PREX1: variants seen among roughly 807,000 people sequenced by gnomAD.
PREX1 encodes the protein phosphatidylinositol-3,4,5-trisphosphate dependent Rac exchange factor 1.
A neutral mutation model predicts 198.3 loss-of-function variants in PREX1; 41 were observed. The observed-to-expected ratio is 0.21, with a 90% CI of 0.16 to 0.27. The LOEUF (loss-of-function observed/expected upper bound fraction) is 0.27. PREX1 is among the 10% of genes least tolerant of loss of function. The probability of loss-of-function intolerance (pLI) is 1.00; values close to 1 mark genes in which losing one functional copy is unlikely to be tolerated. For missense variants in PREX1, 1,620 were observed against 2,200.7 expected (o/e 0.74, Z 5.28); for synonymous variants, 843 against 887.2 (o/e 0.95, Z 0.89).
At chr20:48,836,642 C>G in the PREX1 span, among the ~76,000 whole-genome samples, 1 of 152,132 alleles carries the variant, frequency 6.6e-6, no homozygotes, top group Non-Finnish European at 1.5e-5. Flanking sequence ...TGGCTGGGTG[C>G]GGTGGCTCAC....
At chr20:48,811,138 T>A (rs1031223038) in intron 1 of PREX1, among the ~76,000 whole-genome samples, 1 of 152,180 alleles carries the variant, frequency 6.6e-6, no homozygotes, top group Non-Finnish European at 1.5e-5. Context: ...GGTTTTTGTA[T>A]GAAATGTCTT....
In PREX1 at chr20:48,657,085, C is replaced by A. The variant is rs1453102835; in HGVS notation, c.2078G>T (p.Cys693Phe). The change falls in exon 18 of 40, where the codon TGC becomes TTC. Residue 693 changes from cysteine (C) to phenylalanine (F), a missense_variant. Around this residue, in one of 7 missense-constraint regions of PREX1, gnomAD observed 514 missense variants for 611.6 expected, o/e 0.84. Transcript: ENST00000371941. ...EVESILNQSF[C>F]SRRPLRLLVA... ...CAGGAGGCGCAGAGGGCGGCGGGAG[C>A]AGAAGGACTGGTTGAGGATGGACTC... 2 of 1,608,994 alleles carry A rather than the reference C, an allele frequency of 1.2e-6. No individual in the cohort carries two copies. The highest frequency in any genetic ancestry group is 2.2e-5 in the South Asian group (2 of 90,108).
intron 10 of PREX1, among the ~76,000 whole-genome samples, chr20:48,685,291 C>G (rs912373625): frequency 5.9e-5 from 9 of 152,230 alleles, no homozygotes; most frequent in African/African-American, 2.2e-4. Context: ...TCCCAGGACA[C>G]CCTCCACATT....
Position 48,636,475 on chromosome 20 carries a change from C to A in PREX1, c.4155G>T (p.Ser1385=). The A allele has an allele frequency of 6.2e-7, 1 of 1,604,376 alleles. No individual in the cohort carries two copies. The highest frequency in any genetic ancestry group is 1.1e-5 in the South Asian group (1 of 90,788). The change falls in exon 32 of 40, where the codon TCG becomes TCT. Residue 1385 remains serine (S), a synonymous_variant. Transcript: ENST00000371941. ...CCCACTCACTCACCACTGTGGCTGG[C>A]GAGAGCAGGGACTGGCAGTGCAGCA... is the stretch of plus-strand genomic sequence containing the variant. ...GVLLHCQSLL[S]PATVKEERTM...
chr20:48,704,965 C>G (rs1299950433), intron 6 of PREX1, among the ~76,000 whole-genome samples: 2 of 152,206 alleles, frequency 1.3e-5, no homozygotes, highest in Admixed American at 6.5e-5. Context: ...GCAGCCCACG[C>G]TGGGCACAAG....
At chr20:48,854,686 C>T in the PREX1 span, among the ~76,000 whole-genome samples, 2 of 152,206 alleles carry the variant, frequency 1.3e-5, no homozygotes, top group African/African-American at 2.4e-5. Context: ...ATCACCATTA[C>T]GATCATCCTC....
chr20:48,712,570 T>A (rs537983971), intron 5 of PREX1, among the ~76,000 whole-genome samples: 1 of 152,186 alleles, frequency 6.6e-6, no homozygotes, highest in Admixed American at 6.5e-5. Flanking sequence ...TTAGTAAAAG[T>A]GAAAAAAAGG....
At chr20:48,675,451 A>C (rs2089701845) in intron 14 of PREX1, among the ~76,000 whole-genome samples, 1 of 152,272 alleles carries the variant, frequency 6.6e-6, no homozygotes, top group Non-Finnish European at 1.5e-5. Context: ...AAAAGGAAGG[A>C]GATTCCAACA....
chr20:48,747,750 G>A lies in PREX1; in HGVS notation c.291+59C>T. ...ACACCCTCTGAGCATCGCACGGGAA[G>A]AGCAAGGCACAAAGCAACACAGATG... On this transcript the variant is annotated intron_variant, in intron 2 of 39. Coordinates refer to ENST00000371941, the MANE Select transcript of PREX1 (RefSeq NM_020820.4). 3.3e-6 allele frequency: 5 copies of A among 1,530,330 alleles called. No individual in the cohort carries two copies. In the South Asian group the frequency reaches 4.6e-5, roughly 14 times the overall value. 94.8% of individuals were successfully genotyped at this position (1,530,330 alleles called of 1,614,324 possible).
chr20:48,717,783 G>C (rs570996896), intron 5 of PREX1, among the ~76,000 whole-genome samples: 4 of 152,346 alleles, frequency 2.6e-5, no homozygotes, highest in South Asian at 2.1e-4. Flanking sequence ...GAGAGGAAAG[G>C]GGGGTAAAGT....
At chr20:48,840,096 C>T in the PREX1 span, among the ~76,000 whole-genome samples, 1 of 152,166 alleles carries the variant, frequency 6.6e-6, no homozygotes, top group East Asian at 1.9e-4. Context: ...CTCACTGCAG[C>T]CTTGACCTCC....
In PREX1 at chr20:48,666,388, T is replaced by G. The variant is rs772404796; in HGVS notation, c.1666-33A>C. 2.0e-6 allele frequency: 3 copies of G among 1,527,766 alleles called. No homozygotes were observed. Among genetic ancestry groups the G allele is most frequent in the Non-Finnish European group, 2.7e-6 (3 of 1,130,560 alleles). The allele number at this position is 1,527,766 out of a possible 1,614,324, so 94.6% of individuals were successfully genotyped here. ...GGAACAAGAAGGGGAGGGTGTTAGG[T>G]GGCAGCATCCGAGAGGCCATGCATG... On this transcript the variant is annotated intron_variant, in intron 14 of 39. Coordinates refer to ENST00000371941, the MANE Select transcript of PREX1 (RefSeq NM_020820.4). This position sits in a 1 kb window ranked among gnomAD's most constrained non-coding sequence, Gnocchi z 4.3.
chr20:48,885,445 T>C, the PREX1 span, among the ~76,000 whole-genome samples: 1 of 152,236 alleles, frequency 6.6e-6, no homozygotes, highest in East Asian at 1.9e-4. Flanking sequence ...CTCTCATTCA[T>C]TGCTAGTAGT....
Position 48,651,471 on chromosome 20 carries a change from C to T in PREX1, c.2580G>A (p.Val860=), listed in dbSNP as rs781230983. The part of the protein sequence containing the change: ...HLEHGVVYEY[V]STAGVRCHVL... ...CATGGCACCTGACGCCTGCCGTGCT[C>T]ACATACTCATACACCACGCCGTGTT... is the stretch of plus-strand genomic sequence containing the variant. The change falls in exon 22 of 40, where the codon GTG becomes GTA. Residue 860 remains valine (V), a synonymous_variant. Coordinates refer to ENST00000371941, the MANE Select transcript of PREX1 (RefSeq NM_020820.4). The T allele has an allele frequency of 1.4e-5, 23 of 1,614,090 alleles. No homozygotes were observed. The highest frequency in any genetic ancestry group is 1.9e-5 in the Non-Finnish European group (23 of 1,180,052).
intron 4 of PREX1, among the ~76,000 whole-genome samples, chr20:48,733,881 G>A (rs2090045798): frequency 6.6e-6 from 1 of 152,116 alleles, no homozygotes. Flanking sequence ...CTCCCAAACA[G>A]CTGGGACTAG....
At chr20:48,727,251 C>T (rs1359326623) in intron 4 of PREX1, among the ~76,000 whole-genome samples, 1 of 152,068 alleles carries the variant, frequency 6.6e-6, no homozygotes, top group African/African-American at 2.4e-5. Context: ...CTGTCATATG[C>T]ATACCTCTAT....
intron 5 of PREX1, among the ~76,000 whole-genome samples, chr20:48,716,342 G>A (rs555193887): frequency 7.2e-5 from 11 of 152,328 alleles, no homozygotes; most frequent in African/African-American, 2.6e-4. Flanking sequence ...GTCCAAAGGT[G>A]CCCGCTCTGA....
At chr20:48,710,627 C>T (rs1417819264) in intron 5 of PREX1, among the ~76,000 whole-genome samples, 2 of 152,154 alleles carry the variant, frequency 1.3e-5, no homozygotes, top group African/African-American at 2.4e-5. Flanking sequence ...GTGCTATTTA[C>T]GACTTTTCAG....
chr20:48,744,341 T>G (rs2122765648), intron 3 of PREX1, among the ~76,000 whole-genome samples: 1 of 152,272 alleles, frequency 6.6e-6, no homozygotes, highest in East Asian at 1.9e-4. Context: ...TATACGGAAT[T>G]GTCCCTACTT....
Sources: gnomAD v4.1 joint callset for allele counts (sites outside exome capture counted in the v4.1 genomes callset) on GRCh38, gnomAD v4.1.1 for gene constraint, gnomAD v4.1.1 regional missense constraint, Gnocchi (gnomAD v3.1) non-coding constraint, MANE v1.5 for transcripts, NCBI Gene and HGNC (gene_info 2026-07-23, HGNC 2026-07-21) for gene names.